UBTF: variants seen among roughly 807,000 people sequenced by gnomAD.
UBTF encodes the protein upstream binding transcription factor.
In UBTF, 8 loss-of-function variants were observed where a neutral mutation model predicts 112.3. The observed-to-expected ratio is 0.07, with a 90% CI of 0.04 to 0.13. The LOEUF (loss-of-function observed/expected upper bound fraction) is 0.13. UBTF is among the 10% of genes least tolerant of loss of function. The pLI, the probability that UBTF is intolerant of heterozygous loss-of-function variation, is 1.00. For synonymous variants in UBTF, 417 were observed against 373.1 expected (o/e 1.12, Z -1.36); for missense variants, 457 against 982.1 (o/e 0.47, Z 7.15).
Position 44,207,059 on chromosome 17 carries a change from G to A in UBTF, c.*183C>T. 4.6e-6 allele frequency: 3 copies of A among 654,240 alleles called. No homozygotes were observed. The highest frequency in any genetic ancestry group is 7.7e-6 in the Non-Finnish European group (3 of 388,064). The allele number at this position is 654,240 out of a possible 1,614,324, so 40.5% of individuals were successfully genotyped here. A position where few individuals can be genotyped will look rare whatever the true frequency, so the allele number is the denominator to read the frequency against. On this transcript the variant is annotated 3_prime_UTR_variant, in exon 21 of 21. Coordinates refer to ENST00000436088, the MANE Select transcript of UBTF (RefSeq NM_014233.4). Reference sequence around the variant, plus strand: ...AAGGGCTGATGTCTCTGAGGCTGCAGAGTCCTGGCCTGGGCTCCTCCAGCC... The same window carrying A: ...AAGGGCTGATGTCTCTGAGGCTGCAAAGTCCTGGCCTGGGCTCCTCCAGCC...
chr17:44,206,994 G>A lies in UBTF; in HGVS notation c.*248C>T. The A allele has an allele frequency of 3.5e-6, 2 of 575,266 alleles. No homozygotes were observed. The highest frequency in any genetic ancestry group is 2.3e-5 in the South Asian group (1 of 43,236). 35.6% of individuals were successfully genotyped at this position (575,266 alleles called of 1,614,324 possible). ...GGGTGGGCCAGGCTGGTCCGGTGCT[G>A]GCTTAGTCTGATAGTTGCTGTCCCT... is the stretch of plus-strand genomic sequence containing the variant. On this transcript the variant is annotated 3_prime_UTR_variant, in exon 21 of 21. Coordinates refer to ENST00000436088, the MANE Select transcript of UBTF (RefSeq NM_014233.4).
Position 44,207,713 on chromosome 17 carries a change from G to T in UBTF, c.2011C>A (p.Leu671Met), listed in dbSNP as rs2056349707. The T allele has an allele frequency of 1.1e-5, 17 of 1,614,204 alleles. No homozygotes were observed. The highest frequency in any genetic ancestry group is 1.4e-5 in the Non-Finnish European group (16 of 1,180,032). Residue 671 changes from leucine to methionine, a missense_variant, in exon 19 of 21, where the codon CTG becomes ATG. Leu to Met is a conservative substitution (Grantham distance 15). This residue lies in a region of UBTF where 139 missense variants were observed against 157.5 expected (regional missense o/e 0.88). Coordinates refer to ENST00000436088, the MANE Select transcript of UBTF (RefSeq NM_014233.4). ...GPNPKSSRTTLQSKSESEEDD... is the reference protein window; with the variant it reads ...GPNPKSSRTTMQSKSESEEDD... ...GGGCTCCTTACCGACTTGGACTGCA[G>T]AGTAGTCCGGCTGGATTTGGGGTTT... is the stretch of plus-strand genomic sequence containing the variant.
intron 17 of UBTF, 105 bp from the exon 18 acceptor site, chr17:44,208,016 C>T (rs1446334610): frequency 2.1e-6 from 3 of 1,395,496 alleles, no homozygotes; most frequent in African/African-American, 2.9e-5. Flanking sequence ...ATATCATCAC[C>T]CCATCTTACC....
chr17:44,211,007 C>G lies in UBTF; in HGVS notation c.1203+32G>C. The stretch of plus-strand genomic sequence containing the variant: ...CTGCCAGGGAGCCCAGTCTTGCCCA[C>G]CCCCGCCTGCGCGGCCGCACCCTCT... On this transcript the variant is annotated intron_variant, in intron 12 of 20. Coordinates refer to ENST00000436088, the MANE Select transcript of UBTF (RefSeq NM_014233.4). The surrounding 1 kb of genome is among the most constrained non-coding windows in gnomAD (Gnocchi z 4.9). 3 of 1,602,604 alleles carry G rather than the reference C, an allele frequency of 1.9e-6. No homozygotes were observed. Among genetic ancestry groups the G allele is most frequent in the Non-Finnish European group, 2.6e-6 (3 of 1,176,056 alleles).
In UBTF at chr17:44,213,446, G is replaced by A. The variant is rs2046679893; in HGVS notation, c.475-164C>T. 6 of 677,574 alleles carry A rather than the reference G, an allele frequency of 8.9e-6. No homozygotes were observed. In the East Asian group the frequency reaches 1.7e-4, roughly 19 times the overall value. 42.0% of individuals were successfully genotyped at this position (677,574 alleles called of 1,614,324 possible). The stretch of plus-strand genomic sequence containing the variant: ...GCCTCCTGGCGGGACTCACCACAGA[G>A]CAGACCTGCTGGCTTCTACCACAGA... On this transcript the variant is annotated intron_variant, in intron 5 of 20. Transcript: ENST00000436088.
Position 44,206,732 on chromosome 17 carries a change from G to A in UBTF, c.*510C>T. The A allele has an allele frequency of 5.9e-6, 1 of 168,234 alleles. No individual in the cohort carries two copies. Among genetic ancestry groups the A allele is most frequent in the East Asian group, 1.8e-4 (1 of 5,712 alleles). 10.4% of individuals were successfully genotyped at this position (168,234 alleles called of 1,614,324 possible). ...GGGGGCAGGGGAGAGGGCCACCAGG[G>A]CAGTGCCTGTTTTCTTGAAGGCACC... is the stretch of plus-strand genomic sequence containing the variant. On this transcript the variant is annotated 3_prime_UTR_variant, in exon 21 of 21. Coordinates refer to ENST00000436088, the MANE Select transcript of UBTF (RefSeq NM_014233.4).
At chr17:44,216,037 G>A in intron 3 of UBTF, 48 bp from the exon 4 acceptor site, 3 of 1,452,994 alleles carry the variant, frequency 2.1e-6, no homozygotes, top group Non-Finnish European at 1.9e-6. Flanking sequence ...AAAGGAAAAT[G>A]CCACACAGTA....
At chr17:44,210,036 A>G in intron 15 of UBTF, 88 bp downstream of exon 15, 1 of 1,355,126 alleles carries the variant, frequency 7.4e-7, no homozygotes, top group Non-Finnish European at 1.1e-6. Context: ...GTCACAGACC[A>G]AGGCTGGGAC....
In UBTF at chr17:44,212,958, G is replaced by A. The variant is rs1219972015; in HGVS notation, c.540-19C>T. ...ATCCTCCCTAGCCAGGACACGGGGA[G>A]CAAGGATCAGCAGGGGACGCTGCCA... is the stretch of plus-strand genomic sequence containing the variant. On this transcript the variant is annotated intron_variant, in intron 6 of 20. Coordinates refer to ENST00000436088, the MANE Select transcript of UBTF (RefSeq NM_014233.4). The A allele has an allele frequency of 6.2e-7, 1 of 1,613,194 alleles. No homozygotes were observed. The highest frequency in any genetic ancestry group is 8.5e-7 in the Non-Finnish European group (1 of 1,179,402).
chr17:44,210,400 C>T lies in UBTF; in HGVS notation c.1433G>A (p.Arg478Gln). Residue 478 changes from arginine to glutamine, a missense_variant, in exon 14 of 21, where the codon CGG becomes CAG. Arg to Gln is a conservative substitution (Grantham distance 43). Transcript: ENST00000436088. ...ERKPGGEREE[R>Q]GKLPESPKRA... ...TTTGGGGGACTCGGGCAGCTTGCCCCGTTCCTCGCGCTCCCCGCCGGGCTT... is the reference window on the plus strand; with the variant it reads ...TTTGGGGGACTCGGGCAGCTTGCCCTGTTCCTCGCGCTCCCCGCCGGGCTT... 1.2e-6 allele frequency: 2 copies of T among 1,614,166 alleles called. No individual in the cohort carries two copies. Among genetic ancestry groups the T allele is most frequent in the Non-Finnish European group, 1.7e-6 (2 of 1,180,044 alleles).
chr17:44,216,865 T>C (rs1174311584), intron 2 of UBTF, among the ~76,000 whole-genome samples, 161 bp from the exon 3 acceptor site: 1 of 152,200 alleles, frequency 6.6e-6, no homozygotes, highest in Non-Finnish European at 1.5e-5. Flanking sequence ...CTAAGGAAAC[T>C]GTGGCCATAT....
intron 1 of UBTF, chr17:44,218,595 A>C (rs2046972352): frequency 1.4e-4 from 16 of 115,090 alleles, no homozygotes; most frequent in South Asian, 2.7e-4. Flanking sequence ...AACCCCAGCC[A>C]AAAAAAAAAA....
upstream of UBTF, among the ~76,000 whole-genome samples, chr17:44,220,574 G>A (rs983919225): frequency 6.6e-6 from 1 of 152,096 alleles, no homozygotes; most frequent in African/African-American, 2.4e-5. Context: ...TTACACCCCG[G>A]AAACGGCAAG....
Position 44,207,502 on chromosome 17 carries a change from G to GCCGCCATCTTCAGAGGAGTCC in UBTF, c.2100_2120dup (p.Asp705_Glu711dup), listed in dbSNP as rs1567786131. On this transcript the variant is annotated inframe_insertion, in exon 20 of 21. Transcript: ENST00000436088. ...CCTCGCTGCTGGACTCAGAGGAGTC[G>GCCGCCATCTTCAGAGGAGTCC]CCGCCATCTTCAGAGGAGTCCCCAT... The GCCGCCATCTTCAGAGGAGTCC allele has an allele frequency of 1.2e-6, 2 of 1,613,822 alleles. No homozygotes were observed. The highest frequency in any genetic ancestry group is 2.2e-5 in the East Asian group (1 of 44,864).
At position 44,207,434 on chromosome 17, in the gene UBTF, C is replaced by G; in HGVS notation, c.2169+20G>C. The G allele has an allele frequency of 6.2e-7, 1 of 1,612,928 alleles. No individual in the cohort carries two copies. Among genetic ancestry groups the G allele is most frequent in the South Asian group, 1.1e-5 (1 of 90,898 alleles). On this transcript the variant is annotated intron_variant, in intron 20 of 20. Transcript: ENST00000436088. ...CTGGCAGGACTCCCCTCCCCTCCCA[C>G]TGTGCCCTGTCTGCCCCACCTCATC...
intron 18 of UBTF, 40 bp downstream of exon 18, chr17:44,207,824 C>G: frequency 6.2e-7 from 1 of 1,614,088 alleles, no homozygotes; most frequent in Non-Finnish European, 8.5e-7. Context: ...CCCTGAATTC[C>G]CCCACCCCTA....
rs2056653916 is a variant in UBTF, at chr17:44,211,200, G to A, written c.1090-48C>T. The stretch of plus-strand genomic sequence containing the variant: ...GGGCTGCATGCCTGGCACCCAGACT[G>A]CATGGTGCCCTATCTCCAGGGGCTC... On this transcript the variant is annotated intron_variant, in intron 11 of 20. Transcript: ENST00000436088. This position sits in a 1 kb window ranked among gnomAD's most constrained non-coding sequence, Gnocchi z 4.9. 1 of 1,612,346 alleles carries A rather than the reference G, an allele frequency of 6.2e-7. No individual in the cohort carries two copies. Among genetic ancestry groups the A allele is most frequent in the Non-Finnish European group, 8.5e-7 (1 of 1,178,946 alleles).
At position 44,216,721 on chromosome 17, in the gene UBTF, G is replaced by C. The variant is rs757749889; in HGVS notation, c.59-17C>G. 14 of 1,613,702 alleles carry C rather than the reference G, an allele frequency of 8.7e-6. No individual in the cohort carries two copies. The highest frequency in any genetic ancestry group is 8.0e-5 in the African/African-American group (6 of 74,930). On this transcript the variant is annotated splice_polypyrimidine_tract_variant and intron_variant, in intron 2 of 20. Transcript: ENST00000436088. The stretch of plus-strand genomic sequence containing the variant: ...ACCAACGGTCTGGTAAAGAGTAACA[G>C]AGGCCATCATGCCTGGCTCATGCTA...
rs1329417429 is a variant in UBTF, at chr17:44,216,700, A to G, written c.63T>C (p.Arg21=). The G allele has an allele frequency of 4.3e-6, 7 of 1,613,926 alleles. No homozygotes were observed. The highest frequency in any genetic ancestry group is 5.9e-6 in the Non-Finnish European group (7 of 1,179,954). The change falls in exon 3 of 21, where the codon CGT becomes CGC. Residue 21 remains arginine (R), a synonymous_variant. Coordinates refer to ENST00000436088, the MANE Select transcript of UBTF (RefSeq NM_014233.4). ...AAGTCAGCATGTCTTCCTGGGACCA[A>G]CGGTCTGGTAAAGAGTAACAGAGGC... is the stretch of plus-strand genomic sequence containing the variant. ...LEMAAPKGQD[R]WSQEDMLTLL...
Sources: allele counts gnomAD v4.1 joint callset (sites outside exome capture counted in the v4.1 genomes callset), GRCh38; gene constraint gnomAD v4.1.1; regional missense constraint gnomAD v4.1.1; non-coding constraint Gnocchi (gnomAD v3.1); transcripts MANE v1.5; gene names NCBI Gene and HGNC (gene_info 2026-07-23, HGNC 2026-07-21).